CPLANE1: variants seen among roughly 807,000 people sequenced by gnomAD.
CPLANE1 encodes the protein ciliogenesis and planar polarity effector 1.
Under a neutral mutation model 362.5 loss-of-function variants are expected in CPLANE1, and 263 were observed. The observed-to-expected ratio is 0.73, with a 90% confidence interval of 0.66 to 0.80. The LOEUF (loss-of-function observed/expected upper bound fraction) is 0.80. Ranked by LOEUF, CPLANE1 falls within the 30% of genes least tolerant of loss-of-function variation. The pLI, the probability that CPLANE1 is intolerant of heterozygous loss-of-function variation, is 0.00. For synonymous variants in CPLANE1, 1,212 were observed against 1,302.6 expected (o/e 0.93, Z 1.50); for missense variants, 3,461 against 3,793.4 (o/e 0.91, Z 2.30).
intron 9 of CPLANE1, among the ~76,000 whole-genome samples, chr5:37,230,635 T>C (rs1797536583): frequency 1.3e-5 from 2 of 152,114 alleles, no homozygotes; most frequent in Admixed American, 1.3e-4. Flanking sequence ...TTTCGTGCTA[T>C]TAAATATTTA....
In CPLANE1 at chr5:37,120,253, C is replaced by T. The variant is rs1762255987; in HGVS notation, c.9273G>A (p.Lys3091=). 3 of 1,603,728 alleles carry T rather than the reference C, an allele frequency of 1.9e-6. No homozygotes were observed. Among genetic ancestry groups the T allele is most frequent in the East Asian group, 2.2e-5 (1 of 44,642 alleles). The change falls in exon 50 of 53, where the codon AAG becomes AAA. Residue 3091 remains lysine (K), a synonymous_variant. Coordinates refer to ENST00000651892, the MANE Select transcript of CPLANE1 (RefSeq NM_001384732.1). ...GTGAGCCTTGAGGTTGCCCAAAAGACTTCCTCTTATGGATATAACTCGGTT... is the reference window on the plus strand; with the variant it reads ...GTGAGCCTTGAGGTTGCCCAAAAGATTTCCTCTTATGGATATAACTCGGTT... ...MSKPSYIHKR[K]SFGQPQGSPW... is the part of the protein sequence containing the mutation.
chr5:37,208,817 T>G (rs1435411912), intron 16 of CPLANE1, among the ~76,000 whole-genome samples: 1 of 152,054 alleles, frequency 6.6e-6, no homozygotes, highest in Admixed American at 6.6e-5. Flanking sequence ...TTATAACCAT[T>G]TGATATATCT....
rs1561656539 is a variant in CPLANE1 at position 37,224,529 on chromosome 5, G to A, written c.2500+3C>T. 1 of 1,533,970 alleles carries A rather than the reference G, an allele frequency of 6.5e-7. No homozygotes were observed. Among genetic ancestry groups the A allele is most frequent in the East Asian group, 2.5e-5 (1 of 40,738 alleles). ...AGTTAGAAAATATTCATAAGATACT[G>A]ACCATTGATAGATTTAAGTTCTAAG... On this transcript the variant is annotated splice_donor_region_variant and intron_variant, in intron 13 of 52. Transcript: ENST00000651892.
chr5:37,242,864 G>T, intron 6 of CPLANE1, 149 bp downstream of exon 6: 1 of 536,020 alleles, frequency 1.9e-6, no homozygotes, highest in Non-Finnish European at 3.3e-6. Flanking sequence ...AATTAGCCAG[G>T]CATGGTGGCA....
intron 18 of CPLANE1, among the ~76,000 whole-genome samples, chr5:37,204,623 G>A (rs868455264): frequency 1.3e-5 from 2 of 151,740 alleles, no homozygotes; most frequent in African/African-American, 2.4e-5. Flanking sequence ...CAAATGAAGC[G>A]AAATATAATT....
At chr5:37,132,279 TTGTAA>T (rs1766059437) in intron 46 of CPLANE1, among the ~76,000 whole-genome samples, 1 of 151,908 alleles carries the variant, frequency 6.6e-6, no homozygotes, top group African/African-American at 2.4e-5. Flanking sequence ...CGAGAAGTGT[TTGTAA>T]TGTCTTTGCC....
intron 9 of CPLANE1, among the ~76,000 whole-genome samples, chr5:37,229,431 C>T (rs1284428046): frequency 2.0e-5 from 3 of 151,172 alleles, no homozygotes; most frequent in Non-Finnish European, 4.4e-5. Context: ...CCCAGCTACT[C>T]GGGAGGCTGA....
intron 44 of CPLANE1, chr5:37,142,082 A>G: frequency 1.0e-6 from 1 of 982,720 alleles, no homozygotes; most frequent in Non-Finnish European, 1.3e-6. Flanking sequence ...ATTTCATATT[A>G]ATAAGTTACA....
intron 8 of CPLANE1, among the ~76,000 whole-genome samples, chr5:37,232,693 A>C (rs913404942): frequency 4.0e-5 from 6 of 151,588 alleles, no homozygotes; most frequent in Non-Finnish European, 8.8e-5. Flanking sequence ...ACAAAAAAAC[A>C]GTCGTGGTGG....
chr5:37,187,878 T>C, intron 21 of CPLANE1, 36 bp from the exon 22 acceptor site: 1 of 1,464,548 alleles, frequency 6.8e-7, no homozygotes. Flanking sequence ...GAAAATCACA[T>C]GAGTATGTAC....
At chr5:37,195,829 T>C (rs1416991794) in intron 21 of CPLANE1, 29 bp downstream of exon 21, 13 of 1,596,592 alleles carry the variant, frequency 8.1e-6, no homozygotes, top group Non-Finnish European at 1.0e-5. Flanking sequence ...TCATTCATAC[T>C]CTAAGCAAGC....
rs375029156 is a variant in CPLANE1 at position 37,162,568 on chromosome 5, T to C, written c.7589-2A>G. ...AAGTATTATCATCTTGTAGCATTTC[T>C]TAAATATAATAAAACATTGGAAGTA... On this transcript the variant is annotated splice_acceptor_variant, in intron 37 of 52. Coordinates refer to ENST00000651892, the MANE Select transcript of CPLANE1 (RefSeq NM_001384732.1). LOFTEE classifies it high-confidence loss of function. The C allele has an allele frequency of 2.5e-6, 4 of 1,592,530 alleles. No individual in the cohort carries two copies. The highest frequency in any genetic ancestry group is 2.7e-5 in the African/African-American group (2 of 74,434).
the CPLANE1 span, among the ~76,000 whole-genome samples, chr5:37,089,367 T>A: frequency 6.6e-6 from 1 of 152,180 alleles, no homozygotes; most frequent in African/African-American, 2.4e-5. Context: ...GGGGGGTTAC[T>A]CTGCAGACCC....
chr5:37,236,565 A>G (rs1799035269), intron 8 of CPLANE1, among the ~76,000 whole-genome samples: 2 of 152,162 alleles, frequency 1.3e-5, no homozygotes, highest in Admixed American at 1.3e-4. Context: ...ACAAAAACAG[A>G]CAAATGAGAA....
At position 37,245,504 on chromosome 5, in the gene CPLANE1, A is replaced by C. The variant is rs1271503510; in HGVS notation, c.312T>G (p.Pro104=). ...CLKTIPITEK[P]KEMIKATVAS... The stretch of plus-strand genomic sequence containing the variant: ...CGACTGTAGCTTTGATCATTTCCTT[A>C]GGCTTTTCAGTTATTGGTATAGTTT... Residue 104 remains proline (P), a synonymous_variant, in exon 4 of 53, where the codon CCT becomes CCG. Transcript: ENST00000651892. The C allele has an allele frequency of 2.0e-6, 3 of 1,501,294 alleles. No individual in the cohort carries two copies. The highest frequency in any genetic ancestry group is 2.7e-6 in the Non-Finnish European group (3 of 1,122,178). 93.0% of individuals were successfully genotyped at this position (1,501,294 alleles called of 1,614,324 possible). A position where few individuals can be genotyped will look rare whatever the true frequency, so the allele number is the denominator to read the frequency against.
chr5:37,114,143 T>C (rs1404924050), intron 51 of CPLANE1, among the ~76,000 whole-genome samples: 1 of 152,132 alleles, frequency 6.6e-6, no homozygotes, highest in Non-Finnish European at 1.5e-5. Flanking sequence ...TCATTATCCC[T>C]ACCAAATTTA....
chr5:37,107,484 G>A lies in CPLANE1; in HGVS notation c.*118C>T, dbSNP rs1302185445. 3 of 1,315,602 alleles carry A rather than the reference G, an allele frequency of 2.3e-6. No homozygotes were observed. The highest frequency in any genetic ancestry group is 2.9e-5 in the East Asian group (1 of 34,774). 81.5% of individuals were successfully genotyped at this position (1,315,602 alleles called of 1,614,324 possible). A position where few individuals can be genotyped will look rare whatever the true frequency, so the allele number is the denominator to read the frequency against. ...GGCTAATCCAGGTAATAATATGAAAGCAAATGGAAAATTCACATTGCTTCT... is the reference window on the plus strand; with the variant it reads ...GGCTAATCCAGGTAATAATATGAAAACAAATGGAAAATTCACATTGCTTCT... On this transcript the variant is annotated 3_prime_UTR_variant, in exon 53 of 53. Coordinates refer to ENST00000651892, the MANE Select transcript of CPLANE1 (RefSeq NM_001384732.1).
intron 16 of CPLANE1, chr5:37,210,842 A>T: frequency 1.1e-6 from 1 of 871,886 alleles, no homozygotes. Context: ...AAAAGGCTAC[A>T]GTGGTTGAGC....
intron 15 of CPLANE1, among the ~76,000 whole-genome samples, chr5:37,220,737 G>A (rs778679596): frequency 1.3e-5 from 2 of 152,144 alleles, no homozygotes; most frequent in African/African-American, 2.4e-5. Context: ...AGCCAGGATC[G>A]TCTCATCTCC....
Sources: allele counts gnomAD v4.1 joint callset (sites outside exome capture counted in the v4.1 genomes callset), GRCh38; gene constraint gnomAD v4.1.1; transcripts MANE v1.5; gene names NCBI Gene and HGNC (gene_info 2026-07-23, HGNC 2026-07-21).